DGKI: variants seen among roughly 807,000 people sequenced by gnomAD.
DGKI encodes diacylglycerol kinase iota.
In DGKI, 55 loss-of-function variants were observed where a neutral mutation model predicts 147.5. The observed-to-expected ratio is 0.37, with a 90% CI of 0.30 to 0.47. The LOEUF is 0.47. Ranked by LOEUF, DGKI falls within the 20% of genes least tolerant of loss-of-function variation. The pLI is 1.00. For synonymous variants in DGKI, 469 were observed against 477.1 expected (o/e 0.98, Z 0.22); for missense variants, 1,007 against 1,323.8 (o/e 0.76, Z 3.71).
At chr7:137,792,561 C>T (rs1162086222) in intron 1 of DGKI, among the ~76,000 whole-genome samples, 2 of 152,202 alleles carry the variant, frequency 1.3e-5, no homozygotes, top group Non-Finnish European at 2.9e-5. Flanking sequence ...ATGTGCCAGG[C>T]ATTTTTCTAG....
intron 6 of DGKI, among the ~76,000 whole-genome samples, chr7:137,642,928 T>TTGTGTGTGTG (rs1211795511): frequency 4.3e-4 from 20 of 46,190 alleles, no homozygotes; most frequent in South Asian, 2.9e-3. Flanking sequence ...AATTATGGAA[T>TTGTGTGTGTG]AGTGTGTGTG....
chr7:137,493,596 G>T (rs1001255198), intron 21 of DGKI, among the ~76,000 whole-genome samples: 1 of 152,116 alleles, frequency 6.6e-6, no homozygotes, highest in Non-Finnish European at 1.5e-5. Flanking sequence ...AATGAAGCCA[G>T]TTGACCAAAC....
chr7:137,845,634 A>G (rs965487460), intron 1 of DGKI, among the ~76,000 whole-genome samples: 1 of 152,176 alleles, frequency 6.6e-6, no homozygotes, highest in Non-Finnish European at 1.5e-5. Context: ...AGACCTTAAT[A>G]AATCCTAATT....
chr7:137,619,951 A>T lies in DGKI; in HGVS notation c.877-11T>A. On this transcript the variant is annotated splice_polypyrimidine_tract_variant and intron_variant, in intron 7 of 32. Transcript: ENST00000614521. Reference sequence around the variant, plus strand: ...CACCTTATTGTGAAACTGAAGAGAAAAATAAGCCAGTAAACAATTCTGGTC... The same window carrying T: ...CACCTTATTGTGAAACTGAAGAGAATAATAAGCCAGTAAACAATTCTGGTC... The T allele has an allele frequency of 3.1e-6, 5 of 1,607,008 alleles. No individual in the cohort carries two copies. The highest frequency in any genetic ancestry group is 4.3e-6 in the Non-Finnish European group (5 of 1,174,016).
intron 30 of DGKI, among the ~76,000 whole-genome samples, chr7:137,404,422 T>C (rs1164857309): frequency 3.3e-5 from 5 of 152,330 alleles, no homozygotes; most frequent in Non-Finnish European, 7.4e-5. Flanking sequence ...TCAGTAAGAA[T>C]CAATTGCATT....
intron 23 of DGKI, among the ~76,000 whole-genome samples, chr7:137,484,583 G>A (rs767569262): frequency 2.0e-5 from 3 of 151,964 alleles, no homozygotes; most frequent in South Asian, 4.1e-4. Flanking sequence ...CTTGCAGTCG[G>A]GAGTAATACT....
intron 19 of DGKI, among the ~76,000 whole-genome samples, chr7:137,567,862 T>A (rs1331632217): frequency 2.0e-5 from 3 of 152,196 alleles, no homozygotes; most frequent in Non-Finnish European, 4.4e-5. Flanking sequence ...ATGATATATA[T>A]GCTATGCATA....
At chr7:137,527,396 T>C (rs1392821822) in intron 20 of DGKI, among the ~76,000 whole-genome samples, 1 of 152,168 alleles carries the variant, frequency 6.6e-6, no homozygotes, top group Non-Finnish European at 1.5e-5. Context: ...AGAATGGGCA[T>C]CCGTCAACAT....
intron 7 of DGKI, among the ~76,000 whole-genome samples, chr7:137,620,922 C>T (rs115498013): frequency 0.017 from 2,591 of 152,214 alleles, 76 homozygotes; most frequent in African/African-American, 0.059. Flanking sequence ...TTATACTTCA[C>T]GTAACTATAT....
intron 1 of DGKI, among the ~76,000 whole-genome samples, chr7:137,754,789 G>A (rs1454324128): frequency 6.6e-6 from 1 of 152,166 alleles, no homozygotes; most frequent in African/African-American, 2.4e-5. Context: ...CTGGGTCCTT[G>A]GAAGAGCTGG....
At chr7:137,639,055 A>T (rs1659508686) in intron 6 of DGKI, among the ~76,000 whole-genome samples, 1 of 152,188 alleles carries the variant, frequency 6.6e-6, no homozygotes, top group African/African-American at 2.4e-5. Flanking sequence ...GAACACAAAG[A>T]TTTCAAAAAT....
chr7:137,564,180 AT>A (rs1563087478), intron 19 of DGKI, among the ~76,000 whole-genome samples: 1 of 152,222 alleles, frequency 6.6e-6, no homozygotes, highest in African/African-American at 2.4e-5. Context: ...GGATAAATGC[AT>A]TTTTTATGAA....
At chr7:137,395,981 C>T (rs1277948824) in intron 31 of DGKI, 1 of 390,216 alleles carries the variant, frequency 2.6e-6, no homozygotes, top group Non-Finnish European at 4.7e-6. Flanking sequence ...AGGTGATAGT[C>T]AATGCAGTAT....
At chr7:137,761,298 C>G (rs1795848806) in intron 1 of DGKI, among the ~76,000 whole-genome samples, 1 of 152,200 alleles carries the variant, frequency 6.6e-6, no homozygotes, top group Admixed American at 6.5e-5. Flanking sequence ...ACTTCGGCAT[C>G]CTTTCATTTA....
At chr7:137,397,225 T>C in intron 31 of DGKI, 152 bp downstream of exon 31, 1 of 646,040 alleles carries the variant, frequency 1.5e-6, no homozygotes, top group Non-Finnish European at 2.6e-6. Flanking sequence ...TTATTTAGGC[T>C]ATTAGCCCTG....
Position 137,463,550 on chromosome 7 carries a change from T to A in DGKI, c.2674A>T (p.Met892Leu). The A allele has an allele frequency of 6.2e-7, 1 of 1,614,024 alleles. No individual in the cohort carries two copies. Among genetic ancestry groups the A allele is most frequent in the Non-Finnish European group, 8.5e-7 (1 of 1,180,000 alleles). Residue 892 changes from methionine (M) to leucine (L), a missense_variant, in exon 27 of 33, where the codon ATG becomes TTG. Coordinates refer to ENST00000614521, the MANE Select transcript of DGKI (RefSeq NM_001321708.2). ...KRMLSDSGLG[M>L]IAPYYEDSDL... ...GAGTCCTCATAATAGGGAGCTATCA[T>A]CCCCAGCCCACTGTCACTCAGCATG...
intron 28 of DGKI, among the ~76,000 whole-genome samples, chr7:137,420,916 G>A (rs969220636): frequency 6.6e-5 from 10 of 152,144 alleles, no homozygotes; most frequent in African/African-American, 1.9e-4. Context: ...CTACTTGGGA[G>A]GCTAAGACAA....
intron 1 of DGKI, among the ~76,000 whole-genome samples, chr7:137,820,568 G>A (rs1466379828): frequency 6.6e-6 from 1 of 152,110 alleles, no homozygotes; most frequent in Non-Finnish European, 1.5e-5. Context: ...GAGATGGATG[G>A]GCTCTCTTGT....
chr7:137,580,380 T>TC (rs1819146579), intron 15 of DGKI, among the ~76,000 whole-genome samples: 1 of 152,042 alleles, frequency 6.6e-6, no homozygotes, highest in African/African-American at 2.4e-5. Context: ...CCAAGGTAAG[T>TC]CCCTCTGAAT....
Sources: gnomAD v4.1 joint callset for allele counts (sites outside exome capture counted in the v4.1 genomes callset) on GRCh38, gnomAD v4.1.1 for gene constraint, MANE v1.5 for transcripts, NCBI Gene and HGNC (gene_info 2026-07-23, HGNC 2026-07-21) for gene names.